CHD7: variants seen among roughly 807,000 people sequenced by gnomAD.
CHD7 encodes ATP-dependent chromatin remodeler CHD7.
Under a neutral mutation model 307.3 loss-of-function variants are expected in CHD7, and 24 were observed. The observed-to-expected ratio is 0.08, with a 90% confidence interval of 0.06 to 0.11. The LOEUF (loss-of-function observed/expected upper bound fraction) is 0.11. Ranked by LOEUF, CHD7 falls within the 10% of genes least tolerant of loss-of-function variation. The probability of loss-of-function intolerance (pLI) is 1.00; values close to 1 mark genes in which losing one functional copy is unlikely to be tolerated. For missense variants in CHD7, 3,106 were observed against 3,727.1 expected (o/e 0.83, Z 4.34); for synonymous variants, 1,363 against 1,349.9 (o/e 1.01, Z -0.21).
rs529904216 is a variant in CHD7, at chr8:60,699,751, C to T, written c.-175+20669C>T. Among the ~76,000 whole-genome samples the T allele has an allele frequency of 1.5e-3, 229 of 152,254 alleles. 1 individual carries two copies. The highest frequency in any genetic ancestry group is 4.3e-3 in the African/African-American group (179 of 41,542). ...ATGCTCCCAGACTTCACGTGTCATC[C>T]GTCACATTCTGCTCTCACCTGCATA... On this transcript the variant is annotated intron_variant, in intron 1 of 37. Transcript: ENST00000423902.
At chr8:60,787,781 C>T (rs1385220672) in intron 3 of CHD7, among the ~76,000 whole-genome samples, 2 of 151,300 alleles carry the variant, frequency 1.3e-5, no homozygotes, top group Non-Finnish European at 2.9e-5. Context: ...TTACTTCTGG[C>T]AGATCTGAAT....
At chr8:60,782,655 G>A (rs1466080957) in intron 3 of CHD7, among the ~76,000 whole-genome samples, 1 of 152,168 alleles carries the variant, frequency 6.6e-6, no homozygotes, top group Non-Finnish European at 1.5e-5. Context: ...TGATGCCTCA[G>A]TGTGTGGTCT....
intron 8 of CHD7, among the ~76,000 whole-genome samples, chr8:60,819,178 C>T (rs1325051764): frequency 6.6e-6 from 1 of 152,286 alleles, no homozygotes; most frequent in East Asian, 1.9e-4. Flanking sequence ...TGGTCTTGAA[C>T]TCCTGACCTC....
chr8:60,725,832 C>T (rs1040998428), intron 1 of CHD7, among the ~76,000 whole-genome samples: 1 of 152,174 alleles, frequency 6.6e-6, no homozygotes, highest in Non-Finnish European at 1.5e-5. Flanking sequence ...CCAACACACT[C>T]CAGGCTTATG....
intron 13 of CHD7, chr8:60,824,228 C>T: frequency 1.9e-6 from 1 of 527,120 alleles, no homozygotes; most frequent in Non-Finnish European, 3.3e-6. Context: ...TGTATTATAG[C>T]AGAGTGTAAT....
Position 60,711,376 on chromosome 8 carries a change from A to C in CHD7, c.-174-29883A>C, listed in dbSNP as rs993247021. On this transcript the variant is annotated intron_variant, in intron 1 of 37. Coordinates refer to ENST00000423902, the MANE Select transcript of CHD7 (RefSeq NM_017780.4). Reference sequence around the variant, plus strand: ...TTTCAAACCAAACTGTAGCAGCCTCATCAGATACAGCTTGGCGGCCTACTG... The same window carrying C: ...TTTCAAACCAAACTGTAGCAGCCTCCTCAGATACAGCTTGGCGGCCTACTG... 3.3e-5 allele frequency among the ~76,000 whole-genome samples: 5 copies of C among 152,200 alleles called. No homozygotes were observed. In the South Asian group the frequency reaches 1.0e-3, roughly 32 times the overall value.
intron 2 of CHD7, among the ~76,000 whole-genome samples, chr8:60,746,918 A>G (rs774159402): frequency 4.6e-5 from 7 of 152,240 alleles, no homozygotes; most frequent in Non-Finnish European, 5.9e-5. Context: ...TTCAATAGCT[A>G]ATTAGAACAG....
At chr8:60,849,262 A>T in intron 25 of CHD7, 108 bp downstream of exon 25, 2 of 651,690 alleles carry the variant, frequency 3.1e-6, no homozygotes, top group Non-Finnish European at 2.6e-6. Context: ...GGATAGTTCC[A>T]AAGGACTCTT....
chr8:60,769,687 T>G (rs1033873817), intron 2 of CHD7, among the ~76,000 whole-genome samples: 2 of 152,230 alleles, frequency 1.3e-5, no homozygotes, highest in African/African-American at 4.8e-5. Context: ...CTACATTTAA[T>G]TGACGGAACG....
At chr8:60,715,305 C>A (rs1420657878) in intron 1 of CHD7, among the ~76,000 whole-genome samples, 2 of 150,764 alleles carry the variant, frequency 1.3e-5, no homozygotes, top group Non-Finnish European at 2.9e-5. Context: ...AGGGGCCTTT[C>A]CAGCACACAG....
At chr8:60,834,232 T>G (rs967019615) in intron 15 of CHD7, among the ~76,000 whole-genome samples, 1 of 152,232 alleles carries the variant, frequency 6.6e-6, no homozygotes. Flanking sequence ...AAATGATTAT[T>G]TGCTTTTTGA....
chr8:60,845,140 A>T, intron 22 of CHD7, 77 bp downstream of exon 22: 1 of 1,582,928 alleles, frequency 6.3e-7, no homozygotes, highest in Non-Finnish European at 8.6e-7. Context: ...GTTGATAAAG[A>T]GATGTGACAT....
Position 60,742,144 on chromosome 8 carries a change from G to C in CHD7, c.712G>C (p.Val238Leu), listed in dbSNP as rs200898742. 2 of 1,613,892 alleles carry C rather than the reference G, an allele frequency of 1.2e-6. No individual in the cohort carries two copies. The highest frequency in any genetic ancestry group is 1.7e-6 in the Non-Finnish European group (2 of 1,179,878). Residue 238 changes from valine to leucine, a missense_variant, in exon 2 of 38, where the codon GTG (valine) becomes CTG (leucine). By Grantham distance (32) the Val-to-Leu change is conservative. Transcript: ENST00000423902. The stretch of plus-strand genomic sequence containing the variant: ...CTCAGGACCTGGCCACTTGTCCCAC[G>C]TGCCCCAGCAGAGTCCCAGCATGGC... ...ATSGPGHLSH[V>L]PQQSPSMAPS...
intron 14 of CHD7, among the ~76,000 whole-genome samples, chr8:60,829,387 C>T (rs1804397543): frequency 6.6e-6 from 1 of 152,158 alleles, no homozygotes; most frequent in African/African-American, 2.4e-5. Context: ...ATCACGAGGT[C>T]AGGAGTTTGA....
chr8:60,726,851 C>T (rs929734754), intron 1 of CHD7, among the ~76,000 whole-genome samples: 1 of 152,144 alleles, frequency 6.6e-6, no homozygotes, highest in Non-Finnish European at 1.5e-5. Flanking sequence ...CCATCTGCAC[C>T]CACCTTCCTG....
Position 60,848,691 on chromosome 8 carries a change from A to G in CHD7, c.5300+87A>G, listed in dbSNP as rs1805318615. On this transcript the variant is annotated intron_variant, in intron 24 of 37. Coordinates refer to ENST00000423902, the MANE Select transcript of CHD7 (RefSeq NM_017780.4). ...TCATGGATTGTGTTTCAGAACCTTC[A>G]TAAACCACTAGTAACCCATCTCCTT... The G allele has an allele frequency of 7.9e-6, 8 of 1,013,078 alleles. No individual in the cohort carries two copies. In the Admixed American group the frequency reaches 1.2e-4, roughly 15 times the overall value. The allele number at this position is 1,013,078 out of a possible 1,614,324, so 62.8% of individuals were successfully genotyped here. A position where few individuals can be genotyped will look rare whatever the true frequency, so the allele number is the denominator to read the frequency against.
intron 3 of CHD7, among the ~76,000 whole-genome samples, chr8:60,783,015 C>A (rs925132260): frequency 6.6e-6 from 1 of 151,912 alleles, no homozygotes; most frequent in Non-Finnish European, 1.5e-5. Flanking sequence ...TCTAAAGAAG[C>A]TTTTTGGAGC....
intron 13 of CHD7, among the ~76,000 whole-genome samples, chr8:60,826,192 G>A (rs982439277): frequency 1.3e-5 from 2 of 152,076 alleles, no homozygotes; most frequent in Non-Finnish European, 2.9e-5. Context: ...CCACTGCCAC[G>A]GGACACCACC....
At chr8:60,836,712 T>C in intron 16 of CHD7, 105 bp from the exon 17 acceptor site, 2 of 785,782 alleles carry the variant, frequency 2.5e-6, no homozygotes, top group South Asian at 4.1e-5. Context: ...GTCATATTAG[T>C]CTTTTTAATA....
Sources: allele counts gnomAD v4.1 joint callset (sites outside exome capture counted in the v4.1 genomes callset), GRCh38; gene constraint gnomAD v4.1.1; transcripts MANE v1.5; gene names NCBI Gene and HGNC (gene_info 2026-07-23, HGNC 2026-07-21).